The following KIRREL3 variants were observed in gnomAD, a reference collection of about 807,000 sequenced individuals.
The protein encoded by KIRREL3 is kin of IRRE-like protein 3.
A neutral mutation model predicts 89.7 loss-of-function variants in KIRREL3; 36 were observed. The observed-to-expected ratio is 0.40, with a 90% CI of 0.31 to 0.53. The LOEUF (loss-of-function observed/expected upper bound fraction) is 0.53, where lower values mean the gene tolerates loss of function less well. KIRREL3 is among the 20% of genes least tolerant of loss of function. The probability of loss-of-function intolerance (pLI) is 0.49; values close to 1 mark genes in which losing one functional copy is unlikely to be tolerated. For synonymous variants in KIRREL3, 445 were observed against 441.4 expected (o/e 1.01, Z -0.10); for missense variants, 864 against 1,056.6 (o/e 0.82, Z 2.53).
In KIRREL3 at chr11:126,946,168, C is replaced by T. The variant is rs1948614987; in HGVS notation, c.55+54287G>A. Among the ~76,000 whole-genome samples, 1 of 152,118 alleles carries T rather than the reference C, an allele frequency of 6.6e-6. No homozygotes were observed. Among genetic ancestry groups the T allele is most frequent in the Non-Finnish European group, 1.5e-5 (1 of 68,030 alleles). ...CTCAAGCCCCTTGTGAGAACAAGAA[C>T]CCTAAGCTTAGATGCCAGAATTCAA... On this transcript the variant is annotated intron_variant, in intron 1 of 16. Transcript: ENST00000525144. This position sits in a 1 kb window ranked among gnomAD's most constrained non-coding sequence, Gnocchi z 4.1.
chr11:126,454,717 A>G lies in KIRREL3; in HGVS notation c.848+1632T>C, dbSNP rs1206498293. ...TCAGTGGCTTCTGAATAGATGCCAG[A>G]CCACAGCCAAACCAGACTTGCCCCC... On this transcript the variant is annotated intron_variant, in intron 7 of 16. Coordinates refer to ENST00000525144, the MANE Select transcript of KIRREL3 (RefSeq NM_032531.4). The surrounding 1 kb of genome is among the most constrained non-coding windows in gnomAD (Gnocchi z 5.8). 6.6e-6 allele frequency among the ~76,000 whole-genome samples: 1 copy of G among 152,098 alleles called. No individual in the cohort carries two copies. Among genetic ancestry groups the G allele is most frequent in the African/African-American group, 2.4e-5 (1 of 41,390 alleles).
rs1002072061 is a variant in KIRREL3 at position 126,558,408 on chromosome 11, A to G, written c.133+4427T>C. On this transcript the variant is annotated intron_variant, in intron 2 of 16. Transcript: ENST00000525144. The surrounding 1 kb of genome is among the most constrained non-coding windows in gnomAD (Gnocchi z 4.0). ...CTTCCTCTCTTTCCAGCCACCCTGA[A>G]AAATGAAACCAAGCTGAAGTGTTAG... Among the ~76,000 whole-genome samples, 1 of 152,104 alleles carries G rather than the reference A, an allele frequency of 6.6e-6. No individual in the cohort carries two copies. Among genetic ancestry groups the G allele is most frequent in the African/African-American group, 2.4e-5 (1 of 41,404 alleles).
chr11:126,511,841 C>T (rs1184224476), intron 4 of KIRREL3, among the ~76,000 whole-genome samples: 5 of 152,202 alleles, frequency 3.3e-5, no homozygotes, highest in African/African-American at 9.6e-5. Flanking sequence ...TGCTGTGAAA[C>T]CCTTGTTTTG....
chr11:126,509,272 T>A (rs1311346365), intron 4 of KIRREL3, among the ~76,000 whole-genome samples: 1 of 152,220 alleles, frequency 6.6e-6, no homozygotes, highest in Non-Finnish European at 1.5e-5. Flanking sequence ...GGACTGATTC[T>A]CACCTTGCTC....
chr11:126,859,287 C>A (rs1363153436), intron 1 of KIRREL3, among the ~76,000 whole-genome samples: 1 of 152,110 alleles, frequency 6.6e-6, no homozygotes, highest in Admixed American at 6.6e-5. Context: ...ACGATGGGCC[C>A]AAGAGGGAGC....
chr11:126,808,426 A>G lies in KIRREL3; in HGVS notation c.55+192029T>C, dbSNP rs1315080945. On this transcript the variant is annotated intron_variant, in intron 1 of 16. Transcript: ENST00000525144. This position sits in a 1 kb window ranked among gnomAD's most constrained non-coding sequence, Gnocchi z 4.1. ...CCAATGTGGTGGGAGGGCTCTGCTA[A>G]GATGTAGAGCAGTTATTAAGGCCTT... Among the ~76,000 whole-genome samples the G allele has an allele frequency of 6.6e-6, 1 of 152,134 alleles. No individual in the cohort carries two copies. Among genetic ancestry groups the G allele is most frequent in the Non-Finnish European group, 1.5e-5 (1 of 68,034 alleles).
chr11:126,518,996 C>G (rs1168823201), intron 4 of KIRREL3, among the ~76,000 whole-genome samples: 2 of 152,264 alleles, frequency 1.3e-5, no homozygotes, highest in African/African-American at 4.8e-5. Flanking sequence ...GGCTGATGGA[C>G]AAGATGCTGG....
At chr11:126,472,081 A>G (rs917534437) in intron 5 of KIRREL3, among the ~76,000 whole-genome samples, 2 of 152,246 alleles carry the variant, frequency 1.3e-5, no homozygotes, top group Non-Finnish European at 2.9e-5. Context: ...TTTAGCAAAT[A>G]AAATACAGGA....
intron 1 of KIRREL3, among the ~76,000 whole-genome samples, chr11:126,988,861 G>T (rs1052406262): frequency 3.9e-5 from 6 of 152,190 alleles, no homozygotes; most frequent in Non-Finnish European, 2.9e-5. Context: ...GGCTTCGGGG[G>T]TAGAGAAACA....
chr11:126,456,259 C>T, intron 7 of KIRREL3, 90 bp downstream of exon 7: 1 of 821,634 alleles, frequency 1.2e-6, no homozygotes, highest in Non-Finnish European at 2.0e-6. Flanking sequence ...ACACTGCAGC[C>T]ATGCTGAGGA....
In KIRREL3 at chr11:126,754,418, G is replaced by A. The variant is rs1272263164; in HGVS notation, c.56-191506C>T. 1.3e-5 allele frequency among the ~76,000 whole-genome samples: 2 copies of A among 152,138 alleles called. No homozygotes were observed. The highest frequency in any genetic ancestry group is 6.5e-5 in the Admixed American group (1 of 15,274). On this transcript the variant is annotated intron_variant, in intron 1 of 16. Coordinates refer to ENST00000525144, the MANE Select transcript of KIRREL3 (RefSeq NM_032531.4). This position sits in a 1 kb window ranked among gnomAD's most constrained non-coding sequence, Gnocchi z 5.1. ...CTGTCTCTGGTCTTCAATTCAGACC[G>A]TGTAACTAGGCTGGATGCCTGGTTG... is the stretch of plus-strand genomic sequence containing the variant.
rs1171061172 is a variant in KIRREL3, at chr11:126,909,905, C to T, written c.55+90550G>A. The stretch of plus-strand genomic sequence containing the variant: ...TTTTTTATTGCAATAATAAGTTTCT[C>T]AACTCCTAATGGACCCTGTATTAAC... On this transcript the variant is annotated intron_variant, in intron 1 of 16. Transcript: ENST00000525144. This position sits in a 1 kb window ranked among gnomAD's most constrained non-coding sequence, Gnocchi z 4.5. Among the ~76,000 whole-genome samples the T allele has an allele frequency of 1.3e-5, 2 of 152,128 alleles. No individual in the cohort carries two copies. Among genetic ancestry groups the T allele is most frequent in the East Asian group, 3.9e-4 (2 of 5,190 alleles).
chr11:126,589,296 G>C (rs925384738), intron 1 of KIRREL3, among the ~76,000 whole-genome samples: 26 of 152,240 alleles, frequency 1.7e-4, no homozygotes, highest in African/African-American at 6.3e-4. Context: ...GCGTGCAGGG[G>C]AACAGAAGCT....
intron 1 of KIRREL3, among the ~76,000 whole-genome samples, chr11:126,692,137 A>G (rs1946899708): frequency 6.6e-6 from 1 of 152,174 alleles, no homozygotes; most frequent in Admixed American, 6.5e-5. Flanking sequence ...TAAAAATAGG[A>G]CCACCATCTG....
chr11:126,881,710 GC>G, intron 1 of KIRREL3, among the ~76,000 whole-genome samples: 1 of 152,126 alleles, frequency 6.6e-6, no homozygotes, highest in Admixed American at 6.5e-5. Flanking sequence ...ACCATACTCG[GC>G]TAATTTTTGT....
At position 126,923,129 on chromosome 11, in the gene KIRREL3, C is replaced by CTCCTCCTTCTTCTTCTTCTTCT. The variant is rs1246765425; in HGVS notation, c.55+77325_55+77326insAGAAGAAGAAGAAGAAGGAGGA. 8.9e-4 allele frequency among the ~76,000 whole-genome samples: 23 copies of CTCCTCCTTCTTCTTCTTCTTCT among 25,740 alleles called. 3 individuals carry two copies. Among genetic ancestry groups the CTCCTCCTTCTTCTTCTTCTTCT allele is most frequent in the South Asian group, 3.1e-3 (2 of 642 alleles). 16.9% of individuals were successfully genotyped at this position (25,740 alleles called of 152,430 possible). On this transcript the variant is annotated intron_variant, in intron 1 of 16. Transcript: ENST00000525144. ...CCTTCTCCTTCTCCTTCTCCTTCTTCTCTTCTTCTTCTTCTTCTTCTTCTT... is the reference window on the plus strand; with the variant it reads ...CCTTCTCCTTCTCCTTCTCCTTCTTCTCCTCCTTCTTCTTCTTCTTCTTCTTCTTCTTCTTCTTCTTCTTCTT...
rs543356502 is a variant in KIRREL3 at position 126,564,295 on chromosome 11, C to A, written c.56-1383G>T. Among the ~76,000 whole-genome samples the A allele has an allele frequency of 1.8e-4, 27 of 152,302 alleles. No individual in the cohort carries two copies. The highest frequency in any genetic ancestry group is 3.8e-4 in the Non-Finnish European group (26 of 68,032). Reference sequence around the variant, plus strand: ...TTTCTCCTCTTCCATCCACCGTCTGCAGCCCAGGTCCACCCACCAAGCATA... The same window carrying A: ...TTTCTCCTCTTCCATCCACCGTCTGAAGCCCAGGTCCACCCACCAAGCATA... On this transcript the variant is annotated intron_variant, in intron 1 of 16. Coordinates refer to ENST00000525144, the MANE Select transcript of KIRREL3 (RefSeq NM_032531.4). This position sits in a 1 kb window ranked among gnomAD's most constrained non-coding sequence, Gnocchi z 7.4.
intron 1 of KIRREL3, among the ~76,000 whole-genome samples, chr11:126,901,156 G>GTGAGC (rs2134838225): frequency 6.8e-6 from 1 of 146,046 alleles, no homozygotes; most frequent in South Asian, 2.3e-4. Flanking sequence ...AGAGGTTGCA[G>GTGAGC]TGAGCTGAGA....
intron 1 of KIRREL3, among the ~76,000 whole-genome samples, chr11:126,592,887 T>G (rs1015938060): frequency 6.6e-6 from 1 of 151,976 alleles, no homozygotes; most frequent in South Asian, 2.1e-4. Context: ...AGAGAACCGA[T>G]GCAGGCTGCC....
Sources: gnomAD v4.1 joint callset for allele counts (sites outside exome capture counted in the v4.1 genomes callset) on GRCh38, gnomAD v4.1.1 for gene constraint, Gnocchi (gnomAD v3.1) non-coding constraint, MANE v1.5 for transcripts, NCBI Gene and HGNC (gene_info 2026-07-23, HGNC 2026-07-21) for gene names.